Variants in CSMD1 observed in about 807,000 individuals in gnomAD.
CSMD1 encodes CUB and Sushi multiple domains 1.
In CSMD1, 213 loss-of-function variants were observed where a neutral mutation model predicts 417.5. The observed-to-expected ratio is 0.51, with a 90% CI of 0.46 to 0.57. The LOEUF is 0.57. CSMD1 is among the 20% of genes least tolerant of loss of function. The pLI is 0.00. For missense variants in CSMD1, 6,923 were observed against 4,529.7 expected (o/e 1.53, Z -15.17); for synonymous variants, 2,862 against 1,736.8 (o/e 1.65, Z -16.11).
intron 3 of CSMD1, among the ~76,000 whole-genome samples, chr8:4,183,915 C>T (rs1162128610): frequency 1.3e-5 from 2 of 152,106 alleles, no homozygotes; most frequent in African/African-American, 2.4e-5. Context: ...CTTGGGGCAG[C>T]TACCACATGA....
chr8:4,910,287 A>T (rs887204161), intron 1 of CSMD1, among the ~76,000 whole-genome samples: 1 of 152,222 alleles, frequency 6.6e-6, no homozygotes, highest in Non-Finnish European at 1.5e-5. Flanking sequence ...GTCAACGCAT[A>T]TATCTTGATT....
At chr8:4,385,764 C>T (rs577997997) in intron 3 of CSMD1, among the ~76,000 whole-genome samples, 2 of 152,148 alleles carry the variant, frequency 1.3e-5, no homozygotes, top group East Asian at 1.9e-4. Flanking sequence ...GAATTCATGT[C>T]GATTGTAATG....
chr8:3,707,795 G>A (rs1334750084), intron 7 of CSMD1, among the ~76,000 whole-genome samples: 1 of 152,296 alleles, frequency 6.6e-6, no homozygotes, highest in South Asian at 2.1e-4. Context: ...CATGGTCAGG[G>A]CTTCCTATGG....
chr8:4,965,471 T>C (rs910726779), intron 1 of CSMD1, among the ~76,000 whole-genome samples: 1 of 152,212 alleles, frequency 6.6e-6, no homozygotes, highest in African/African-American at 2.4e-5. Flanking sequence ...GACATGTGGA[T>C]TCAGAAGGAT....
chr8:3,672,470 C>G (rs1014503649), intron 7 of CSMD1, among the ~76,000 whole-genome samples: 4 of 152,108 alleles, frequency 2.6e-5, no homozygotes, highest in Non-Finnish European at 5.9e-5. Context: ...GTTCAAAACA[C>G]GTGTAGGTCT....
At chr8:3,481,195 G>C (rs985310007) in intron 11 of CSMD1, among the ~76,000 whole-genome samples, 1 of 144,324 alleles carries the variant, frequency 6.9e-6, no homozygotes, top group African/African-American at 2.5e-5. Context: ...GTAGTTGGTA[G>C]ACCTGCCCTT....
chr8:4,180,885 A>T (rs1315103407), intron 3 of CSMD1, among the ~76,000 whole-genome samples: 1 of 152,208 alleles, frequency 6.6e-6, no homozygotes, highest in East Asian at 1.9e-4. Flanking sequence ...ACTTGTAATT[A>T]CTGTGCATTG....
At chr8:4,613,860 C>CA (rs60679775) in intron 2 of CSMD1, among the ~76,000 whole-genome samples, 6,047 of 123,584 alleles carry the variant, frequency 0.049, 252 homozygotes, top group East Asian at 0.21. Flanking sequence ...TGTCTAATGC[C>CA]AAAAAAAAAA....
intron 3 of CSMD1, among the ~76,000 whole-genome samples, chr8:4,261,045 C>G (rs116466642): frequency 6.6e-6 from 1 of 152,156 alleles, no homozygotes; most frequent in African/African-American, 2.4e-5. Flanking sequence ...TATGCTTTAA[C>G]GGTGAATTTA....
intron 5 of CSMD1, among the ~76,000 whole-genome samples, chr8:3,989,861 T>C (rs1814611951): frequency 6.6e-6 from 1 of 152,144 alleles, no homozygotes; most frequent in South Asian, 2.1e-4. Flanking sequence ...GAGTATAGGA[T>C]TGCACAAAAT....
intron 5 of CSMD1, among the ~76,000 whole-genome samples, chr8:3,782,522 G>A (rs1296524176): frequency 6.6e-6 from 1 of 152,154 alleles, no homozygotes; most frequent in Non-Finnish European, 1.5e-5. Context: ...GGGAGGGATA[G>A]CATGAGGAGA....
intron 3 of CSMD1, among the ~76,000 whole-genome samples, chr8:4,207,831 T>C (rs1460145079): frequency 6.6e-6 from 1 of 152,088 alleles, no homozygotes; most frequent in East Asian, 1.9e-4. Flanking sequence ...AGATGCAACC[T>C]CAGCCCTGGT....
chr8:3,723,700 A>C (rs1208768163), intron 6 of CSMD1, among the ~76,000 whole-genome samples: 1 of 152,190 alleles, frequency 6.6e-6, no homozygotes, highest in Non-Finnish European at 1.5e-5. Flanking sequence ...GGTGATATTA[A>C]CACGTGTGCT....
intron 2 of CSMD1, among the ~76,000 whole-genome samples, chr8:4,528,660 T>C (rs1796640141): frequency 1.3e-5 from 2 of 152,174 alleles, no homozygotes; most frequent in Admixed American, 1.3e-4. Flanking sequence ...CAGCAATGGT[T>C]TCATGGTGTA....
chr8:4,027,459 T>C (rs928174935), intron 4 of CSMD1, among the ~76,000 whole-genome samples: 2 of 152,074 alleles, frequency 1.3e-5, no homozygotes, highest in Non-Finnish European at 2.9e-5. Flanking sequence ...GCTGTTCTTG[T>C]GACAGTGGGT....
At chr8:4,911,569 T>C (rs927603985) in intron 1 of CSMD1, among the ~76,000 whole-genome samples, 2 of 152,206 alleles carry the variant, frequency 1.3e-5, no homozygotes, top group Non-Finnish European at 2.9e-5. Flanking sequence ...ACCTGCCCTC[T>C]ACCTGCATCC....
chr8:4,894,782 C>G (rs890358924), intron 1 of CSMD1, among the ~76,000 whole-genome samples: 2 of 151,674 alleles, frequency 1.3e-5, no homozygotes, highest in Non-Finnish European at 2.9e-5. Context: ...AATCTTCTGA[C>G]TTTTAATTTT....
chr8:3,052,436 A>G (rs1283751376), intron 50 of CSMD1, 26 bp downstream of exon 50: 1 of 1,542,362 alleles, frequency 6.5e-7, no homozygotes, highest in Non-Finnish European at 8.8e-7. Flanking sequence ...ACCCACAAAG[A>G]TGGGCAGATG....
intron 7 of CSMD1, among the ~76,000 whole-genome samples, chr8:3,678,491 G>C (rs1016634660): frequency 2.0e-5 from 3 of 152,018 alleles, no homozygotes; most frequent in Admixed American, 6.6e-5. Flanking sequence ...TAGAGAAAAA[G>C]GAATAAAAAG....
Sources: gnomAD v4.1 joint callset for allele counts (sites outside exome capture counted in the v4.1 genomes callset) on GRCh38, gnomAD v4.1.1 for gene constraint, MANE v1.5 for transcripts, NCBI Gene and HGNC (gene_info 2026-07-23, HGNC 2026-07-21) for gene names.